The following ARMH1 variants were observed in gnomAD, a reference collection of about 807,000 sequenced individuals.
The protein encoded by ARMH1 is armadillo like helical domain containing 1.
ARMH1 carries 34 observed loss-of-function variants against 50.2 expected under a neutral mutation model. The observed-to-expected ratio is 0.68, with a 90% CI of 0.51 to 0.90. The LOEUF (loss-of-function observed/expected upper bound fraction) is 0.90, where lower values mean the gene tolerates loss of function less well. ARMH1 is among the 40% of genes least tolerant of loss of function. The pLI is 0.00. For synonymous variants in ARMH1, 221 were observed against 224.2 expected, an observed-to-expected ratio of 0.99 and a Z score of 0.13; for missense variants, 538 against 553.9, an observed-to-expected ratio of 0.97 and a Z score of 0.29.
At chr1:44,721,666 T>C (rs1573501523) in intron 6 of ARMH1, 1 of 151,162 alleles carries the variant, frequency 6.6e-6, no homozygotes, top group African/African-American at 2.4e-5. Context: ...GAGATGGAGG[T>C]TGTAGTGAGC....
chr1:44,721,889 A>T (rs549686706), intron 6 of ARMH1: 1 of 152,210 alleles, frequency 6.6e-6, no homozygotes, highest in South Asian at 2.1e-4. Context: ...CGTTATGAAG[A>T]GAAACCAGAG....
chr1:44,722,830 C>T (rs1264036842), intron 6 of ARMH1, among the ~76,000 whole-genome samples: 1 of 147,534 alleles, frequency 6.8e-6, no homozygotes, highest in African/African-American at 2.5e-5. Context: ...GAGGCCGAGG[C>T]GCGTGGATCA....
intron 4 of ARMH1, among the ~76,000 whole-genome samples, chr1:44,700,577 C>G (rs1303364459): frequency 6.9e-6 from 1 of 144,752 alleles, no homozygotes; most frequent in East Asian, 2.0e-4. Context: ...GATCGCACCA[C>G]TGTACTCCAG....
rs1208911339 is a variant in ARMH1, at chr1:44,724,410, A to G, written c.920+18A>G. On this transcript the variant is annotated intron_variant, in intron 8 of 11. Transcript: ENST00000535358. This position sits in a 1 kb window ranked among gnomAD's most constrained non-coding sequence, Gnocchi z 6.4. ...GCCATCGGGTAAGCGGGCAGGGGTT[A>G]GTGGGTAGCTGCAGCAAGCCTGGCT... 1.1e-5 allele frequency: 17 copies of G among 1,547,182 alleles called. No individual in the cohort carries two copies. The highest frequency in any genetic ancestry group is 1.4e-5 in the Non-Finnish European group (16 of 1,146,340).
intron 6 of ARMH1, among the ~76,000 whole-genome samples, chr1:44,709,441 G>GGT (rs1646485473): frequency 6.6e-6 from 1 of 152,112 alleles, no homozygotes; most frequent in Admixed American, 6.5e-5. Context: ...GGGAGGCCAA[G>GGT]GGGGGCGGAT....
intron 6 of ARMH1, among the ~76,000 whole-genome samples, chr1:44,722,192 G>A (rs1252178406): frequency 2.0e-5 from 3 of 152,148 alleles, no homozygotes; most frequent in Non-Finnish European, 2.9e-5. Flanking sequence ...AATGGAGAGA[G>A]GCACTTGACT....
At chr1:44,716,790 G>A (rs1460398781) in intron 6 of ARMH1, among the ~76,000 whole-genome samples, 1 of 151,896 alleles carries the variant, frequency 6.6e-6, no homozygotes, top group Non-Finnish European at 1.5e-5. Context: ...CACCACCAGA[G>A]TGGAGGCAGT....
At position 44,725,223 on chromosome 1, in the gene ARMH1, T is replaced by C. The variant is rs993181645; in HGVS notation, c.1210+6T>C. 5 of 1,551,782 alleles carry C rather than the reference T, an allele frequency of 3.2e-6. No individual in the cohort carries two copies. Among genetic ancestry groups the C allele is most frequent in the Non-Finnish European group, 4.4e-6 (5 of 1,147,012 alleles). On this transcript the variant is annotated splice_donor_region_variant and intron_variant, in intron 11 of 11. Transcript: ENST00000535358. ...CACAGTCAATGTTACCAAAGGTGAG[T>C]GTGGGACGAGGGAAGCCGGGCGCAG... is the stretch of plus-strand genomic sequence containing the variant.
At position 44,686,971 on chromosome 1, in the gene ARMH1, TGAA is replaced by T. The variant is rs1272333174; in HGVS notation, c.-22-2702_-22-2700del. 1.4e-4 allele frequency among the ~76,000 whole-genome samples: 20 copies of T among 144,730 alleles called. No homozygotes were observed. The East Asian group carries it at 4.0e-3, about 29-fold the overall frequency. 94.9% of individuals were successfully genotyped at this position (144,730 alleles called of 152,430 possible). On this transcript the variant is annotated intron_variant, in intron 1 of 11. Transcript: ENST00000535358. ...CATTTCAGAAAAAAAAAAAAAAAAA[TGAA>T]GACCTAATTCCTCACCTGCCAGAAT... is the stretch of plus-strand genomic sequence containing the variant.
At chr1:44,676,328 G>C (rs1204650705) in intron 1 of ARMH1, among the ~76,000 whole-genome samples, 1 of 152,182 alleles carries the variant, frequency 6.6e-6, no homozygotes, top group Non-Finnish European at 1.5e-5. Flanking sequence ...TGCCTAACTG[G>C]AGTTCGCCAG....
chr1:44,710,060 G>A (rs565327121), intron 6 of ARMH1, among the ~76,000 whole-genome samples: 17 of 152,164 alleles, frequency 1.1e-4, no homozygotes, highest in African/African-American at 3.6e-4. Context: ...ACAACAGTGG[G>A]GCTTGTAGCT....
intron 6 of ARMH1, among the ~76,000 whole-genome samples, chr1:44,715,611 G>A (rs1646818267): frequency 6.6e-6 from 1 of 152,176 alleles, no homozygotes; most frequent in African/African-American, 2.4e-5. Context: ...CCAGGCTGGA[G>A]TGCAGTGGCA....
intron 6 of ARMH1, among the ~76,000 whole-genome samples, chr1:44,707,432 A>G (rs1376063008): frequency 1.3e-5 from 2 of 152,102 alleles, no homozygotes; most frequent in Non-Finnish European, 2.9e-5. Flanking sequence ...TGAAAAAAAA[A>G]TCTTATTTCT....
In ARMH1 at chr1:44,720,356, T is replaced by TCCA. The variant is rs1329618848; in HGVS notation, c.725-3759_725-3757dup. Among the ~76,000 whole-genome samples the TCCA allele has an allele frequency of 1.6e-4, 24 of 152,304 alleles. No homozygotes were observed. In the East Asian group the frequency reaches 4.6e-3, roughly 29 times the overall value. ...CACTGCAGAGCCTCCTCTGGGGTCA[T>TCCA]CCACCACCAGGCTGGTGGTTTCTAA... On this transcript the variant is annotated intron_variant, in intron 6 of 11. Coordinates refer to ENST00000535358, the MANE Select transcript of ARMH1 (RefSeq NM_001145636.2).
intron 4 of ARMH1, 21 bp from the exon 5 acceptor site, chr1:44,700,902 T>C: frequency 6.6e-7 from 1 of 1,519,772 alleles, no homozygotes; most frequent in Non-Finnish European, 8.8e-7. Flanking sequence ...CAATTTAGCA[T>C]TTCCTCTCTT....
intron 6 of ARMH1, among the ~76,000 whole-genome samples, chr1:44,713,746 A>G (rs1222319312): frequency 1.3e-5 from 2 of 152,100 alleles, no homozygotes; most frequent in Non-Finnish European, 2.9e-5. Flanking sequence ...CTTTTTGAGG[A>G]CACTGGTGCT....
intron 6 of ARMH1, among the ~76,000 whole-genome samples, chr1:44,715,974 T>G (rs1157104108): frequency 1.3e-5 from 2 of 152,242 alleles, no homozygotes; most frequent in Non-Finnish European, 2.9e-5. Context: ...TCCTCTCAGC[T>G]TCATGGGGCC....
intron 4 of ARMH1, among the ~76,000 whole-genome samples, chr1:44,699,264 A>G (rs1487892207): frequency 6.7e-6 from 1 of 148,482 alleles, no homozygotes; most frequent in African/African-American, 2.5e-5. Flanking sequence ...AGCCTGGGCT[A>G]CAGAGCAAGA....
At chr1:44,690,943 G>A (rs1645639626) in intron 2 of ARMH1, among the ~76,000 whole-genome samples, 1 of 151,272 alleles carries the variant, frequency 6.6e-6, no homozygotes, top group South Asian at 2.1e-4. Flanking sequence ...ATAAGACACC[G>A]CGCCCAGTGA....
Sources: gnomAD v4.1 joint callset for allele counts (sites outside exome capture counted in the v4.1 genomes callset) on GRCh38, gnomAD v4.1.1 for gene constraint, Gnocchi (gnomAD v3.1) non-coding constraint, MANE v1.5 for transcripts, NCBI Gene and HGNC (gene_info 2026-07-23, HGNC 2026-07-21) for gene names.